The following PDZD2 variants were observed in gnomAD, a reference collection of about 807,000 sequenced individuals.
The protein encoded by PDZD2 is PDZ domain-containing protein 2.
A neutral mutation model predicts 220.7 loss-of-function variants in PDZD2; 90 were observed. The ratio of observed to expected loss-of-function variants is 0.41; its 90% CI spans 0.34 to 0.49. PDZD2 has a LOEUF of 0.49. Among genes scored for constraint, PDZD2 ranks in the 20% least tolerant of loss-of-function variants. The pLI, the probability that PDZD2 is intolerant of heterozygous loss-of-function variation, is 0.28. For missense variants in PDZD2, 3,174 were observed against 3,608.5 expected (o/e 0.88, Z 3.08); for synonymous variants, 1,375 against 1,450.5 (o/e 0.95, Z 1.18).
intron 18 of PDZD2, among the ~76,000 whole-genome samples, chr5:32,076,410 ACT>A (rs1286305257): frequency 1.3e-5 from 2 of 151,074 alleles, no homozygotes; most frequent in Admixed American, 6.6e-5. Context: ...CTAAGTTAAT[ACT>A]CTCAGAATGA....
chr5:32,004,120 A>G (rs1043956933), intron 5 of PDZD2, among the ~76,000 whole-genome samples: 1 of 151,598 alleles, frequency 6.6e-6, no homozygotes, highest in Admixed American at 6.6e-5. Context: ...GGGGCCACTT[A>G]TGGGTAAAGC....
At chr5:31,709,315 C>A (rs912373922) in intron 1 of PDZD2, among the ~76,000 whole-genome samples, 1 of 151,544 alleles carries the variant, frequency 6.6e-6, no homozygotes, top group African/African-American at 2.4e-5. Flanking sequence ...AATGAGACCC[C>A]CATCTCTACA....
At chr5:31,720,511 G>A (rs56171147) in intron 1 of PDZD2, among the ~76,000 whole-genome samples, 37,797 of 152,128 alleles carry the variant, frequency 0.25, 5,139 homozygotes, top group African/African-American at 0.36. Context: ...TTAATAGGAG[G>A]AAAAGAATAC....
chr5:31,956,340 T>G (rs1747680903), intron 2 of PDZD2, among the ~76,000 whole-genome samples: 1 of 150,812 alleles, frequency 6.6e-6, no homozygotes, highest in Admixed American at 6.6e-5. Flanking sequence ...CTAAGAGTTT[T>G]TTTTTTTTTT....
intron 6 of PDZD2, among the ~76,000 whole-genome samples, chr5:32,036,575 C>T (rs916402112): frequency 3.1e-4 from 47 of 152,116 alleles, no homozygotes; most frequent in African/African-American, 1.1e-3. Flanking sequence ...TGTGTATCAC[C>T]TCCTGGGGTC....
chr5:31,918,575 T>C (rs1743887244), intron 2 of PDZD2, among the ~76,000 whole-genome samples: 1 of 152,248 alleles, frequency 6.6e-6, no homozygotes, highest in South Asian at 2.1e-4. Context: ...TTAAGTAGTA[T>C]GGTTAATCAT....
At chr5:31,651,752 C>T (rs1375567571) in intron 1 of PDZD2, among the ~76,000 whole-genome samples, 1 of 152,112 alleles carries the variant, frequency 6.6e-6, no homozygotes, top group African/African-American at 2.4e-5. Context: ...CCACCTCAGC[C>T]TCCTGAGTAG....
chr5:31,819,473 A>G (rs910000282), intron 2 of PDZD2, among the ~76,000 whole-genome samples: 3 of 152,030 alleles, frequency 2.0e-5, no homozygotes, highest in Non-Finnish European at 4.4e-5. Flanking sequence ...CCTGACTAAT[A>G]TGGTAAAACC....
chr5:31,675,881 T>C (rs892463980), intron 1 of PDZD2, among the ~76,000 whole-genome samples: 2 of 152,106 alleles, frequency 1.3e-5, no homozygotes, highest in African/African-American at 4.8e-5. Flanking sequence ...TTTCTATTTT[T>C]GGTAGAGACA....
chr5:32,015,732 C>G (rs1753738620), intron 6 of PDZD2, among the ~76,000 whole-genome samples: 1 of 152,122 alleles, frequency 6.6e-6, no homozygotes, highest in Non-Finnish European at 1.5e-5. Context: ...AATCTATTTT[C>G]TAGCCTTCTG....
intron 1 of PDZD2, among the ~76,000 whole-genome samples, chr5:31,666,860 C>A (rs1023147657): frequency 2.0e-5 from 3 of 152,154 alleles, no homozygotes; most frequent in African/African-American, 7.2e-5. Context: ...AGACTCTCAG[C>A]CTGTGGGTGG....
chr5:31,936,284 G>A lies in PDZD2; in HGVS notation c.477-46871G>A, dbSNP rs546239043. On this transcript the variant is annotated intron_variant, in intron 2 of 24. Transcript: ENST00000438447. Reference sequence around the variant, plus strand: ...TGAAGCACAACCAACTTTGGAGTCTGTCCCATTCCAGAGGCTGCTGAAGCA... The same window carrying A: ...TGAAGCACAACCAACTTTGGAGTCTATCCCATTCCAGAGGCTGCTGAAGCA... 16 of 987,724 alleles carry A rather than the reference G, an allele frequency of 1.6e-5. No homozygotes were observed. In the Admixed American group the frequency reaches 8.0e-4, roughly 49 times the overall value. 61.2% of individuals were successfully genotyped at this position (987,724 alleles called of 1,614,324 possible).
intron 1 of PDZD2, among the ~76,000 whole-genome samples, chr5:31,703,749 A>G (rs1747696798): frequency 6.6e-6 from 1 of 152,192 alleles, no homozygotes; most frequent in Non-Finnish European, 1.5e-5. Context: ...CACATTGCCC[A>G]ATGCAGCGCC....
At chr5:31,821,420 C>T (rs1020446877) in intron 2 of PDZD2, among the ~76,000 whole-genome samples, 4 of 150,098 alleles carry the variant, frequency 2.7e-5, no homozygotes, top group South Asian at 2.1e-4. Flanking sequence ...CTCACTCTGT[C>T]GCAAGGCTGA....
At chr5:31,667,839 C>T (rs1280676935) in intron 1 of PDZD2, among the ~76,000 whole-genome samples, 2 of 145,816 alleles carry the variant, frequency 1.4e-5, no homozygotes, top group Non-Finnish European at 3.0e-5. Flanking sequence ...AGAGAACAAA[C>T]TGCCTTTTTT....
At chr5:31,989,708 G>GC (rs946920070) in intron 3 of PDZD2, among the ~76,000 whole-genome samples, 1 of 152,202 alleles carries the variant, frequency 6.6e-6, no homozygotes, top group African/African-American at 2.4e-5. Flanking sequence ...ACAGGCATGA[G>GC]CCACCACACC....
At chr5:32,070,689 T>C (rs1215013611) in intron 15 of PDZD2, among the ~76,000 whole-genome samples, 2 of 152,228 alleles carry the variant, frequency 1.3e-5, no homozygotes, top group South Asian at 2.1e-4. Context: ...TTAGTAGATA[T>C]GAAGTACAAT....
intron 2 of PDZD2, among the ~76,000 whole-genome samples, chr5:31,867,889 T>TGGGGCGGGGA (rs1738375416): frequency 9.9e-5 from 1 of 10,052 alleles, no homozygotes; most frequent in Admixed American, 1.1e-3. Flanking sequence ...AGGTGTGGGG[T>TGGGGCGGGGA]GGGGCGGGGA....
chr5:31,683,494 T>C (rs1317747606), intron 1 of PDZD2, among the ~76,000 whole-genome samples: 5 of 152,146 alleles, frequency 3.3e-5, no homozygotes, highest in African/African-American at 9.7e-5. Context: ...TCAAACTACT[T>C]TGGGAATGAT....
Sources: allele counts gnomAD v4.1 joint callset (sites outside exome capture counted in the v4.1 genomes callset), GRCh38; gene constraint gnomAD v4.1.1; transcripts MANE v1.5; gene names NCBI Gene and HGNC (gene_info 2026-07-23, HGNC 2026-07-21).